Variants in ENTPD5 observed in about 807,000 individuals in gnomAD.
ENTPD5 encodes nucleoside diphosphate phosphatase ENTPD5.
In ENTPD5, 49 loss-of-function variants were observed where a neutral mutation model predicts 60.2. That is an observed-to-expected ratio of 0.81 (90% CI 0.65 to 1.03). The LOEUF (loss-of-function observed/expected upper bound fraction) is 1.03, where lower values mean the gene tolerates loss of function less well. ENTPD5 is among the 50% of genes least tolerant of loss of function. The probability of loss-of-function intolerance (pLI) is 0.00; values close to 1 mark genes in which losing one functional copy is unlikely to be tolerated. For synonymous variants in ENTPD5, 187 were observed against 185.4 expected, an observed-to-expected ratio of 1.01 and a Z score of -0.07; for missense variants, 480 against 507.6, an observed-to-expected ratio of 0.95 and a Z score of 0.52.
intron 1 of ENTPD5, among the ~76,000 whole-genome samples, chr14:74,017,648 G>A (rs569992347): frequency 6.6e-6 from 1 of 151,688 alleles, no homozygotes. Flanking sequence ...CACTTTGGGA[G>A]ACCAAGGCGG....
chr14:74,014,388 C>G (rs557566470), intron 2 of ENTPD5, among the ~76,000 whole-genome samples: 104 of 144,974 alleles, frequency 7.2e-4, no homozygotes, highest in Non-Finnish European at 1.2e-3. Context: ...ACTCCCCCCC[C>G]CCACAAAAAA....
chr14:73,974,255 G>C (rs1204477463), intron 11 of ENTPD5, among the ~76,000 whole-genome samples: 2 of 152,148 alleles, frequency 1.3e-5, no homozygotes, highest in Non-Finnish European at 1.5e-5. Flanking sequence ...ATCTCAAAGA[G>C]ATCCAAAACC....
At chr14:73,979,273 G>A (rs1296163656) in intron 6 of ENTPD5, among the ~76,000 whole-genome samples, 2 of 149,610 alleles carry the variant, frequency 1.3e-5, no homozygotes, top group Non-Finnish European at 3.0e-5. Flanking sequence ...TTCCCTACCT[G>A]CCTTTCCCTG....
chr14:73,985,586 G>T (rs1448901908), intron 5 of ENTPD5, among the ~76,000 whole-genome samples: 3 of 152,118 alleles, frequency 2.0e-5, no homozygotes, highest in African/African-American at 4.8e-5. Context: ...TTTTGATGGG[G>T]TTGTTTGATT....
intron 3 of ENTPD5, among the ~76,000 whole-genome samples, chr14:73,999,921 C>T (rs1373780719): frequency 6.6e-6 from 1 of 151,706 alleles, no homozygotes; most frequent in Admixed American, 6.6e-5. Flanking sequence ...AACCCCATCT[C>T]TACCAAAAAT....
At chr14:73,981,910 T>C (rs148632356) in intron 6 of ENTPD5, among the ~76,000 whole-genome samples, 106 of 152,076 alleles carry the variant, frequency 7.0e-4, no homozygotes, top group African/African-American at 2.5e-3. Context: ...ATAAAAACTG[T>C]ATAATTCCAT....
At chr14:73,979,173 C>T (rs116488188) in intron 6 of ENTPD5, among the ~76,000 whole-genome samples, 1,987 of 152,256 alleles carry the variant, frequency 0.013, 21 homozygotes, top group South Asian at 0.03. Context: ...TTCTTCATCC[C>T]CCTAAGATCT....
chr14:73,978,840 G>A (rs1416825808), intron 6 of ENTPD5, among the ~76,000 whole-genome samples: 1 of 151,954 alleles, frequency 6.6e-6, no homozygotes, highest in African/African-American at 2.4e-5. Context: ...AACCCAGGAG[G>A]TGGAGGTTGC....
chr14:73,973,554 G>A (rs1477135174), intron 12 of ENTPD5, among the ~76,000 whole-genome samples: 1 of 152,160 alleles, frequency 6.6e-6, no homozygotes, highest in Non-Finnish European at 1.5e-5. Flanking sequence ...GAGTGCAGTG[G>A]CATTGCGCAC....
At position 73,986,620 on chromosome 14, in the gene ENTPD5, A is replaced by G. The variant is rs996321242; in HGVS notation, c.297+194T>C. The stretch of plus-strand genomic sequence containing the variant: ...CTTGCATTACCACAACCAATTTTCT[A>G]GCCTTCTTCCACCCAGCCCTCATGA... On this transcript the variant is annotated intron_variant, in intron 5 of 15. Transcript: ENST00000334696. 7.0e-6 allele frequency: 4 copies of G among 570,698 alleles called. No homozygotes were observed. In the African/African-American group the frequency reaches 7.5e-5, roughly 11 times the overall value. The allele number at this position is 570,698 out of a possible 1,614,324, so 35.4% of individuals were successfully genotyped here.
chr14:73,971,597 T>C (rs574809974), intron 14 of ENTPD5, among the ~76,000 whole-genome samples: 1 of 152,336 alleles, frequency 6.6e-6, no homozygotes, highest in East Asian at 1.9e-4. Flanking sequence ...GGTGTGATTA[T>C]AGTGCACTAT....
At chr14:74,015,999 A>G (rs2059005651) in intron 1 of ENTPD5, 69 bp from the exon 2 acceptor site, 1 of 152,344 alleles carries the variant, frequency 6.6e-6, no homozygotes, top group South Asian at 2.1e-4. Flanking sequence ...GTTTAAAAGC[A>G]TTAGTGTTCT....
chr14:74,001,769 G>A (rs541063110), intron 3 of ENTPD5, among the ~76,000 whole-genome samples: 2 of 150,186 alleles, frequency 1.3e-5, no homozygotes, highest in African/African-American at 4.9e-5. Flanking sequence ...GATCATTTGA[G>A]CCTGAGAAGT....
intron 3 of ENTPD5, chr14:73,996,842 C>G (rs1325062894): frequency 6.6e-6 from 1 of 152,258 alleles, no homozygotes; most frequent in African/African-American, 2.4e-5. Flanking sequence ...ACTCAGAAGG[C>G]TAAGGTGGGA....
At chr14:73,984,523 A>G (rs185988728) in intron 5 of ENTPD5, among the ~76,000 whole-genome samples, 99 of 152,226 alleles carry the variant, frequency 6.5e-4, no homozygotes, top group African/African-American at 2.3e-3. Flanking sequence ...ATAAATGAAA[A>G]CCATTATTTT....
intron 6 of ENTPD5, among the ~76,000 whole-genome samples, chr14:73,977,915 G>T (rs1235701414): frequency 2.0e-5 from 3 of 152,120 alleles, no homozygotes; most frequent in Non-Finnish European, 4.4e-5. Context: ...TCAGGAGATG[G>T]GAATGACGAT....
chr14:73,967,799 C>CAAA (rs33926682), intron 15 of ENTPD5, among the ~76,000 whole-genome samples: 1 of 97,836 alleles, frequency 1.0e-5, no homozygotes, highest in East Asian at 3.4e-4. Context: ...GACCCTGTCT[C>CAAA]AAAAAAAAAA....
Position 73,977,386 on chromosome 14 carries a change from G to GTAA in ENTPD5, c.442-13_442-12insTTA. 8.0e-7 allele frequency: 1 copy of GTAA among 1,245,136 alleles called. No homozygotes were observed. Among genetic ancestry groups the GTAA allele is most frequent in the Non-Finnish European group, 1.1e-6 (1 of 917,916 alleles). 77.1% of individuals were successfully genotyped at this position (1,245,136 alleles called of 1,614,324 possible). The stretch of plus-strand genomic sequence containing the variant: ...AAGATCTCCTTTACCTAGAGAAAAA[G>GTAA]GAAAAAAAAAAAAAAAGAATTCCCT... On this transcript the variant is annotated splice_polypyrimidine_tract_variant and intron_variant, in intron 6 of 15. Coordinates refer to ENST00000334696, the MANE Select transcript of ENTPD5 (RefSeq NM_001249.5).
At chr14:73,991,168 A>C (rs1410086884) in intron 3 of ENTPD5, among the ~76,000 whole-genome samples, 2 of 152,208 alleles carry the variant, frequency 1.3e-5, no homozygotes, top group Non-Finnish European at 1.5e-5. Flanking sequence ...AACAAAAACA[A>C]TTAAGTGCTT....
Sources: allele counts gnomAD v4.1 joint callset (sites outside exome capture counted in the v4.1 genomes callset), GRCh38; gene constraint gnomAD v4.1.1; transcripts MANE v1.5; gene names NCBI Gene and HGNC (gene_info 2026-07-23, HGNC 2026-07-21).